The following DNAJA2 variants were observed in gnomAD, a reference collection of about 807,000 sequenced individuals.
DNAJA2 encodes DnaJ heat shock protein family (Hsp40) member A2.
Under a neutral mutation model 49.3 loss-of-function variants are expected in DNAJA2, and 6 were observed. The observed-to-expected ratio is 0.12, with a 90% CI of 0.07 to 0.24. The LOEUF (loss-of-function observed/expected upper bound fraction) is 0.24, where lower values mean the gene tolerates loss of function less well. Among genes scored for constraint, DNAJA2 ranks in the 10% least tolerant of loss-of-function variants. The pLI, the probability that DNAJA2 is intolerant of heterozygous loss-of-function variation, is 1.00. For synonymous variants in DNAJA2, 160 were observed against 172.7 expected (o/e 0.93, Z 0.58); for missense variants, 347 against 516.8 (o/e 0.67, Z 3.19).
chr16:46,971,989 A>G (rs1419327075), intron 1 of DNAJA2, 34 bp from the exon 2 acceptor site: 1 of 1,445,882 alleles, frequency 6.9e-7, no homozygotes, highest in Non-Finnish European at 9.7e-7. Context: ...AAAGGTTATA[A>G]CTAAACACCA....
chr16:46,960,238 G>C (rs1356451612), intron 6 of DNAJA2, among the ~76,000 whole-genome samples: 1 of 152,168 alleles, frequency 6.6e-6, no homozygotes, highest in African/African-American at 2.4e-5. Flanking sequence ...GATTCTCTAA[G>C]TGTGGTTCTG....
At chr16:46,966,067 T>C (rs1172929890) in intron 5 of DNAJA2, among the ~76,000 whole-genome samples, 2 of 151,746 alleles carry the variant, frequency 1.3e-5, no homozygotes, top group South Asian at 2.1e-4. Flanking sequence ...CTACAAGAAA[T>C]ACAAAAATTA....
chr16:46,965,852 A>G (rs1472263621), intron 5 of DNAJA2, among the ~76,000 whole-genome samples: 2 of 152,050 alleles, frequency 1.3e-5, no homozygotes, highest in Non-Finnish European at 2.9e-5. Flanking sequence ...AAAAAAAGAA[A>G]AAAGAAAAAT....
At position 46,964,339 on chromosome 16, in the gene DNAJA2, T is replaced by A. The variant is rs189761816; in HGVS notation, c.774+272A>T. 4.3e-3 allele frequency among the ~76,000 whole-genome samples: 650 copies of A among 152,206 alleles called. 5 individuals carry two copies. The highest frequency in any genetic ancestry group is 0.015 in the African/African-American group (612 of 41,506). On this transcript the variant is annotated intron_variant, in intron 6 of 8. Transcript: ENST00000317089. ...GTGAGCCGAGATCGCACCATTGCAC[T>A]CCAGCCTGGGCAACAAGAGTGAAAC... is the stretch of plus-strand genomic sequence containing the variant.
chr16:46,959,746 G>C (rs984732621), intron 6 of DNAJA2: 3 of 209,876 alleles, frequency 1.4e-5, no homozygotes, highest in Non-Finnish European at 2.9e-5. Flanking sequence ...AAAAGGTACA[G>C]AATGCCCAGA....
rs770342885 is a variant in DNAJA2 at position 46,968,096 on chromosome 16, C to T, written c.431G>A (p.Ser144Asn). ...AAGACACACTTACCCACTGCATGCA[C>T]TACAGAGCACATTCTTGCTAAGTTG... Reference protein sequence around the residue: ...KLQLSKNVLCSACSGQGGKSG... With the variant: ...KLQLSKNVLCNACSGQGGKSG... Residue 144 changes from serine (S) to asparagine (N), a missense_variant, in exon 4 of 9, where the codon AGT becomes AAT. Coordinates refer to ENST00000317089, the MANE Select transcript of DNAJA2 (RefSeq NM_005880.4). 35 of 1,608,762 alleles carry T rather than the reference C, an allele frequency of 2.2e-5. No individual in the cohort carries two copies. In the East Asian group the frequency reaches 7.6e-4, roughly 35 times the overall value.
chr16:46,964,858 T>G (rs1961946548), intron 5 of DNAJA2, 51 bp from the exon 6 acceptor site: 1 of 1,373,238 alleles, frequency 7.3e-7, no homozygotes, highest in Admixed American at 2.2e-5. Flanking sequence ...TACTGTACTC[T>G]TAATACCCTT....
At chr16:46,968,919 T>A (rs1962010250) in intron 3 of DNAJA2, among the ~76,000 whole-genome samples, 2 of 152,072 alleles carry the variant, frequency 1.3e-5, no homozygotes, top group South Asian at 4.1e-4. Context: ...TGTAGTGGCA[T>A]GTCTGAAGTC....
chr16:46,968,669 G>A (rs1267778799), intron 3 of DNAJA2, among the ~76,000 whole-genome samples: 7 of 152,052 alleles, frequency 4.6e-5, no homozygotes, highest in Non-Finnish European at 8.8e-5. Flanking sequence ...GTTATATTTC[G>A]GCTTAAGGGA....
At position 46,973,592 on chromosome 16, in the gene DNAJA2, C is replaced by G. The variant is rs763213390; in HGVS notation, c.-20G>C. The G allele has an allele frequency of 5.7e-6, 9 of 1,589,180 alleles. No individual in the cohort carries two copies. The East Asian group carries it at 2.1e-4, about 37-fold the overall frequency. Reference sequence around the variant, plus strand: ...AGCCATGGCGGCCGGCCGGGCAGTGCTCGGGGAGAAGGTGGCGAAGCAGAC... The same window carrying G: ...AGCCATGGCGGCCGGCCGGGCAGTGGTCGGGGAGAAGGTGGCGAAGCAGAC... On this transcript the variant is annotated 5_prime_UTR_variant, in exon 1 of 9. Transcript: ENST00000317089.
chr16:46,968,003 A>G (rs1596657863), intron 4 of DNAJA2, 81 bp downstream of exon 4: 3 of 1,338,666 alleles, frequency 2.2e-6, no homozygotes, highest in East Asian at 2.4e-5. Flanking sequence ...ACTTATAACA[A>G]TTTTTACGTG....
rs1228664625 is a variant in DNAJA2, at chr16:46,973,673, G to A, written c.-101C>T. 7.8e-7 allele frequency: 1 copy of A among 1,276,518 alleles called. No individual in the cohort carries two copies. Among genetic ancestry groups the A allele is most frequent in the African/African-American group, 1.5e-5 (1 of 65,452 alleles). The allele number at this position is 1,276,518 out of a possible 1,614,324, so 79.1% of individuals were successfully genotyped here. On this transcript the variant is annotated 5_prime_UTR_variant, in exon 1 of 9. Coordinates refer to ENST00000317089, the MANE Select transcript of DNAJA2 (RefSeq NM_005880.4). ...GCGGCGGCACAGGCCGAGGGAGACAGCGAGGGGGAAGCGGGGGCGGGGCTG... is the reference window on the plus strand; with the variant it reads ...GCGGCGGCACAGGCCGAGGGAGACAACGAGGGGGAAGCGGGGGCGGGGCTG...
At chr16:46,967,388 CG>C in intron 5 of DNAJA2, 124 bp downstream of exon 5, 1 of 1,265,998 alleles carries the variant, frequency 7.9e-7, no homozygotes, top group South Asian at 1.6e-5. Flanking sequence ...CTAACGCACC[CG>C]GCCTCCTTTT....
chr16:46,973,480 C>A lies in DNAJA2; in HGVS notation c.78+15G>T. 6.3e-7 allele frequency: 1 copy of A among 1,592,032 alleles called. No individual in the cohort carries two copies. The highest frequency in any genetic ancestry group is 8.5e-7 in the Non-Finnish European group (1 of 1,173,414). Reference sequence around the variant, plus strand: ...CCCCGCGCCCCTCACACCCGCCCGGCCCGCTCCCAGATACCTTCTTCAGCT... The same window carrying A: ...CCCCGCGCCCCTCACACCCGCCCGGACCGCTCCCAGATACCTTCTTCAGCT... On this transcript the variant is annotated intron_variant, in intron 1 of 8. Transcript: ENST00000317089.
At chr16:46,973,065 G>A (rs1962079788) in intron 1 of DNAJA2, 1 of 152,124 alleles carries the variant, frequency 6.6e-6, no homozygotes, top group Non-Finnish European at 1.5e-5. Flanking sequence ...CAGACCCGGG[G>A]CCGACGGCCG....
intron 6 of DNAJA2, among the ~76,000 whole-genome samples, chr16:46,962,220 C>T (rs1961906110): frequency 6.6e-6 from 1 of 152,128 alleles, no homozygotes; most frequent in South Asian, 2.1e-4. Flanking sequence ...CCAAAAAGTC[C>T]AGGGAAGCCA....
At chr16:46,962,290 T>C (rs1961907532) in intron 6 of DNAJA2, among the ~76,000 whole-genome samples, 1 of 152,128 alleles carries the variant, frequency 6.6e-6, no homozygotes, top group African/African-American at 2.4e-5. Context: ...TGATCTACTT[T>C]TAAAAACCCA....
chr16:46,966,749 T>C (rs1183694894), intron 5 of DNAJA2, among the ~76,000 whole-genome samples: 1 of 152,168 alleles, frequency 6.6e-6, no homozygotes, highest in Non-Finnish European at 1.5e-5. Flanking sequence ...AATCTCAAGA[T>C]CAATTCTGAA....
chr16:46,971,738 T>C (rs1962052878), intron 2 of DNAJA2, 158 bp downstream of exon 2: 2 of 853,118 alleles, frequency 2.3e-6, no homozygotes, highest in East Asian at 5.1e-5. Context: ...CTCAGAATGG[T>C]AGTACTCTTA....
Sources: gnomAD v4.1 joint callset for allele counts (sites outside exome capture counted in the v4.1 genomes callset) on GRCh38, gnomAD v4.1.1 for gene constraint, MANE v1.5 for transcripts, NCBI Gene and HGNC (gene_info 2026-07-23, HGNC 2026-07-21) for gene names.